The following LNX1 variants were observed in gnomAD, a reference collection of about 807,000 sequenced individuals.
LNX1 encodes E3 ubiquitin-protein ligase LNX.
In LNX1, 54 loss-of-function variants were observed where a neutral mutation model predicts 68.4. The ratio of observed to expected loss-of-function variants is 0.79; its 90% CI spans 0.63 to 0.99. The LOEUF (loss-of-function observed/expected upper bound fraction) is 0.99. LNX1 is among the 50% of genes least tolerant of loss of function. The probability of loss-of-function intolerance (pLI) is 0.00; values close to 1 mark genes in which losing one functional copy is unlikely to be tolerated. For synonymous variants in LNX1, 336 were observed against 350.0 expected, an observed-to-expected ratio of 0.96 and a Z score of 0.45; for missense variants, 906 against 926.4, an observed-to-expected ratio of 0.98 and a Z score of 0.29.
At chr4:53,541,838 T>C (rs1351647319) in intron 2 of LNX1, among the ~76,000 whole-genome samples, 2 of 152,220 alleles carry the variant, frequency 1.3e-5, no homozygotes, top group African/African-American at 2.4e-5. Flanking sequence ...CCTGCAGTGC[T>C]AAACTACTTT....
chr4:53,488,736 C>G (rs574587751), intron 6 of LNX1, among the ~76,000 whole-genome samples: 19 of 152,290 alleles, frequency 1.2e-4, no homozygotes, highest in African/African-American at 4.6e-4. Context: ...CAAATTATAG[C>G]AGAGCAGCCC....
chr4:53,626,037 A>G (rs1472903364), intron 1 of LNX1, among the ~76,000 whole-genome samples: 1 of 152,228 alleles, frequency 6.6e-6, no homozygotes, highest in Non-Finnish European at 1.5e-5. Flanking sequence ...ATATTCATGT[A>G]ACAGAATGTT....
intron 2 of LNX1, among the ~76,000 whole-genome samples, chr4:53,606,928 C>T (rs1372044605): frequency 6.6e-6 from 1 of 152,138 alleles, no homozygotes; most frequent in African/African-American, 2.4e-5. Context: ...TAAAAACCCT[C>T]AACAAACTGG....
chr4:53,533,833 C>T (rs1050074741), intron 2 of LNX1, among the ~76,000 whole-genome samples: 1 of 152,198 alleles, frequency 6.6e-6, no homozygotes, highest in African/African-American at 2.4e-5. Flanking sequence ...TCCAAAATGT[C>T]AGTAGTGCTA....
In LNX1 at chr4:53,573,969, G is replaced by T. The variant is rs770217051; in HGVS notation, c.34C>A (p.Pro12Thr). 3.1e-6 allele frequency: 5 copies of T among 1,613,152 alleles called. No individual in the cohort carries two copies. In the South Asian group the frequency reaches 4.4e-5, roughly 14 times the overall value. ...NQPESANDPEPLCAVCGQAHS... is the reference protein window; with the variant it reads ...NQPESANDPETLCAVCGQAHS... ...GCTTGGCCACACACTGCACACAGGG[G>T]TTCAGGATCGTTGGCAGACTCTGGC... Residue 12 changes from proline to threonine, a missense_variant, in exon 2 of 11, where the codon CCC becomes ACC. Transcript: ENST00000263925.
chr4:53,619,461 T>G (rs1446622475), upstream of LNX1, among the ~76,000 whole-genome samples: 1 of 152,228 alleles, frequency 6.6e-6, no homozygotes, highest in Non-Finnish European at 1.5e-5. Context: ...GTGGCCTTTG[T>G]GTCAGACTTC....
At chr4:53,515,786 G>A (rs1008583112) in intron 2 of LNX1, among the ~76,000 whole-genome samples, 1 of 152,176 alleles carries the variant, frequency 6.6e-6, no homozygotes, top group Non-Finnish European at 1.5e-5. Context: ...AAAAGCACAT[G>A]CTTTCACTTC....
intron 2 of LNX1, among the ~76,000 whole-genome samples, chr4:53,611,842 A>T (rs942309117): frequency 3.3e-5 from 5 of 152,198 alleles, no homozygotes; most frequent in African/African-American, 1.2e-4. Flanking sequence ...GGGTAGGACA[A>T]ACCCTCCCAA....
chr4:53,588,941 C>T (rs542802827), intron 1 of LNX1, among the ~76,000 whole-genome samples: 1 of 152,282 alleles, frequency 6.6e-6, no homozygotes, highest in South Asian at 2.1e-4. Context: ...AGGCCAATCA[C>T]ATCCAATGGG....
chr4:53,576,277 C>T (rs1731485932), intron 1 of LNX1: 13 of 1,612,062 alleles, frequency 8.1e-6, no homozygotes, highest in East Asian at 2.2e-5. Context: ...GTTAGCATAC[C>T]GCTTCGAGGT....
intron 2 of LNX1, among the ~76,000 whole-genome samples, chr4:53,548,554 G>T (rs1729270916): frequency 1.3e-5 from 2 of 152,254 alleles, no homozygotes; most frequent in Non-Finnish European, 1.5e-5. Context: ...TCTCCCATTA[G>T]AATACTTATA....
rs542797039 is a variant in LNX1 at position 53,460,346 on chromosome 4, G to A, written c.*561C>T. ...GGGATAAGCCTAGGAGGTATTCATC[G>A]GTGATGGTAACAAATAACATGGTAT... On this transcript the variant is annotated 3_prime_UTR_variant, in exon 11 of 11. Transcript: ENST00000263925. 5 of 188,822 alleles carry A rather than the reference G, an allele frequency of 2.6e-5. No homozygotes were observed. Among genetic ancestry groups the A allele is most frequent in the South Asian group, 2.0e-4 (1 of 5,128 alleles). 11.7% of individuals were successfully genotyped at this position (188,822 alleles called of 1,614,324 possible). A position where few individuals can be genotyped will look rare whatever the true frequency, so the allele number is the denominator to read the frequency against.
chr4:53,534,121 C>T (rs1728205003), intron 2 of LNX1, among the ~76,000 whole-genome samples: 1 of 152,210 alleles, frequency 6.6e-6, no homozygotes, highest in Non-Finnish European at 1.5e-5. Context: ...GGATGGTTCT[C>T]AGGAGAAGCC....
chr4:53,633,496 C>T (rs1734353320), intron 1 of LNX1, among the ~76,000 whole-genome samples: 1 of 152,142 alleles, frequency 6.6e-6, no homozygotes, highest in African/African-American at 2.4e-5. Context: ...CTCAGAAATA[C>T]TGATCCTTGT....
At chr4:53,618,427 C>A (rs1236338148), upstream of LNX1, among the ~76,000 whole-genome samples, 1 of 152,124 alleles carries the variant, frequency 6.6e-6, no homozygotes, top group Non-Finnish European at 1.5e-5. Context: ...TTTGAGATAA[C>A]AAAGCTCTGT....
chr4:53,576,063 C>T (rs1731469706), intron 1 of LNX1: 10 of 1,558,952 alleles, frequency 6.4e-6, no homozygotes, highest in Middle Eastern at 2.0e-4. Context: ...AGGAACTCTG[C>T]ATCCCCCAAG....
In LNX1 at chr4:53,498,670, G is replaced by A. The variant is rs1725251308; in HGVS notation, c.949C>T (p.Arg317Trp). ...YRDGVIARDG[R>W]LLPGDIILKV... ...AGAATGATGTCTCCTGGCAGTAGCC[G>A]GCCGTCTCTGGCGATCACCCCATCA... The change falls in exon 5 of 11, where the codon CGG (arginine) becomes TGG (tryptophan). Residue 317 changes from arginine to tryptophan, a missense_variant. Physicochemically the swap from Arg to Trp is moderately radical, Grantham distance 101. Coordinates refer to ENST00000263925, the MANE Select transcript of LNX1 (RefSeq NM_001126328.3). 3.1e-6 allele frequency: 5 copies of A among 1,613,948 alleles called. No individual in the cohort carries two copies. The highest frequency in any genetic ancestry group is 2.2e-5 in the East Asian group (1 of 44,880).
At chr4:53,465,892 T>C (rs1202794384) in intron 9 of LNX1, among the ~76,000 whole-genome samples, 2 of 152,246 alleles carry the variant, frequency 1.3e-5, no homozygotes, top group African/African-American at 4.8e-5. Context: ...TTTTTAATCT[T>C]ACTAACTTAA....
intron 6 of LNX1, among the ~76,000 whole-genome samples, chr4:53,483,389 TTG>T (rs1382275800): frequency 6.6e-6 from 1 of 152,180 alleles, no homozygotes; most frequent in Non-Finnish European, 1.5e-5. Flanking sequence ...CATTTACAAA[TTG>T]TCTTTCTGCC....
Sources: allele counts gnomAD v4.1 joint callset (sites outside exome capture counted in the v4.1 genomes callset), GRCh38; gene constraint gnomAD v4.1.1; transcripts MANE v1.5; gene names NCBI Gene and HGNC (gene_info 2026-07-23, HGNC 2026-07-21).